Variants in ERBIN observed in about 807,000 individuals in gnomAD.
The protein encoded by ERBIN is erbb2 interacting protein, also known as densin-180-like protein.
Under a neutral mutation model 158.4 loss-of-function variants are expected in ERBIN, and 60 were observed. The ratio of observed to expected loss-of-function variants is 0.38; its 90% CI spans 0.31 to 0.47. ERBIN has a LOEUF of 0.47. ERBIN is among the 20% of genes least tolerant of loss of function. ERBIN has a pLI of 0.99. For synonymous variants in ERBIN, 594 were observed against 557.2 expected (o/e 1.07, Z -0.93); for missense variants, 1,610 against 1,648.0 (o/e 0.98, Z 0.40).
At chr5:65,997,186 A>T (rs1016206714) in intron 4 of ERBIN, among the ~76,000 whole-genome samples, 3 of 152,164 alleles carry the variant, frequency 2.0e-5, no homozygotes, top group Non-Finnish European at 4.4e-5. Flanking sequence ...CTTATCCCAG[A>T]TCTTAAAGGA....
chr5:65,932,882 G>A (rs560252247), intron 1 of ERBIN, among the ~76,000 whole-genome samples: 214 of 152,004 alleles, frequency 1.4e-3, no homozygotes, highest in Non-Finnish European at 2.7e-3. Flanking sequence ...CTGCAGCCTC[G>A]GACTCCTGGG....
chr5:65,948,674 C>G (rs1746108442), intron 1 of ERBIN, among the ~76,000 whole-genome samples: 1 of 150,242 alleles, frequency 6.7e-6, no homozygotes, highest in Non-Finnish European at 1.5e-5. Context: ...CATCATTATT[C>G]TAATTTTGAT....
At chr5:66,058,050 A>G (rs1219512729) in intron 21 of ERBIN, among the ~76,000 whole-genome samples, 20 of 152,146 alleles carry the variant, frequency 1.3e-4, no homozygotes, top group Admixed American at 1.3e-3. Context: ...GTATATACCC[A>G]GTAATGGGAT....
intron 1 of ERBIN, among the ~76,000 whole-genome samples, chr5:65,976,633 C>T (rs1426617731): frequency 6.7e-6 from 1 of 150,214 alleles, no homozygotes; most frequent in African/African-American, 2.5e-5. Context: ...GAACAAAGGT[C>T]TCTGGTTTTC....
chr5:66,075,053 G>A lies in ERBIN; in HGVS notation c.3786G>A (p.Gln1262=), dbSNP rs772727143. ...KMPLSNGQMG[Q]PLRPQANYSQ... ...CTTTGAGTAATGGACAGATGGGCCA[G>A]CCTCTCAGGCCTCAGGCAAATTATA... The change falls in exon 23 of 26, where the codon CAG becomes CAA. Residue 1262 remains glutamine, a synonymous_variant. Transcript: ENST00000284037. The A allele has an allele frequency of 6.2e-7, 1 of 1,614,152 alleles. No homozygotes were observed.
In ERBIN at chr5:66,081,972, A is replaced by C. The variant is rs1226005545; in HGVS notation, c.*3442A>C. The C allele has an allele frequency of 2.6e-5, 4 of 152,140 alleles. No individual in the cohort carries two copies. Among genetic ancestry groups the C allele is most frequent in the African/African-American group, 9.7e-5 (4 of 41,442 alleles). 9.4% of individuals were successfully genotyped at this position (152,140 alleles called of 1,614,324 possible). A position where few individuals can be genotyped will look rare whatever the true frequency, so the allele number is the denominator to read the frequency against. ...TTTGGGTATTCCTTTGTTTCTAAAT[A>C]AGGACCTTCAGAAAAAGTTGACCAT... On this transcript the variant is annotated 3_prime_UTR_variant, in exon 26 of 26. Coordinates refer to ENST00000284037, the MANE Select transcript of ERBIN (RefSeq NM_001253697.2).
chr5:66,000,876 A>G (rs1752952141), intron 4 of ERBIN, among the ~76,000 whole-genome samples: 1 of 152,158 alleles, frequency 6.6e-6, no homozygotes. Flanking sequence ...AATTCTAGTT[A>G]TTTTAATTCC....
chr5:65,980,796 A>G (rs1014893328), intron 1 of ERBIN, among the ~76,000 whole-genome samples: 1 of 152,232 alleles, frequency 6.6e-6, no homozygotes, highest in Non-Finnish European at 1.5e-5. Context: ...TATTCACTGT[A>G]TAATGAATCT....
intron 4 of ERBIN, among the ~76,000 whole-genome samples, chr5:66,011,650 G>A (rs912836070): frequency 1.3e-5 from 2 of 152,142 alleles, no homozygotes; most frequent in African/African-American, 4.8e-5. Context: ...TCGCCCCACT[G>A]TACTCCAGCG....
rs1282863829 is a variant in ERBIN at position 66,081,502 on chromosome 5, ATATATC to A, written c.*2975_*2980del. ...ACATTTATTCATTCCAAATTTTTGTATATATCTAGATGAAGTAACACATAGAGGATA... is the reference window on the plus strand; with the variant it reads ...ACATTTATTCATTCCAAATTTTTGTATAGATGAAGTAACACATAGAGGATA... On this transcript the variant is annotated 3_prime_UTR_variant, in exon 26 of 26. Coordinates refer to ENST00000284037, the MANE Select transcript of ERBIN (RefSeq NM_001253697.2). The A allele has an allele frequency of 6.6e-6, 1 of 152,122 alleles. No homozygotes were observed. The highest frequency in any genetic ancestry group is 2.4e-5 in the African/African-American group (1 of 41,448). The allele number at this position is 152,122 out of a possible 1,614,324, so 9.4% of individuals were successfully genotyped here. A position where few individuals can be genotyped will look rare whatever the true frequency, so the allele number is the denominator to read the frequency against.
At chr5:66,072,986 A>G (rs1761664594) in intron 22 of ERBIN, among the ~76,000 whole-genome samples, 1 of 152,200 alleles carries the variant, frequency 6.6e-6, no homozygotes, top group South Asian at 2.1e-4. Flanking sequence ...AAGTTCATCT[A>G]ATATATAAGT....
intron 2 of ERBIN, among the ~76,000 whole-genome samples, 188 bp downstream of exon 2, chr5:65,988,870 A>T (rs530208214): frequency 3.4e-4 from 51 of 148,406 alleles, no homozygotes; most frequent in Non-Finnish European, 6.5e-4. Context: ...GCATGGTAGT[A>T]CCCTTGGGAG....
At chr5:65,932,786 A>G (rs188263480) in intron 1 of ERBIN, among the ~76,000 whole-genome samples, 1 of 152,046 alleles carries the variant, frequency 6.6e-6, no homozygotes, top group East Asian at 1.9e-4. Flanking sequence ...CTAGTTTTTC[A>G]TAGGAGTTAT....
At chr5:66,072,863 A>G (rs188383555) in intron 22 of ERBIN, among the ~76,000 whole-genome samples, 2 of 152,306 alleles carry the variant, frequency 1.3e-5, no homozygotes, top group Non-Finnish European at 2.9e-5. Flanking sequence ...TGCCTCTAGT[A>G]TGACCAGATA....
At chr5:65,935,963 T>A (rs779688364) in intron 1 of ERBIN, among the ~76,000 whole-genome samples, 1 of 152,154 alleles carries the variant, frequency 6.6e-6, no homozygotes, top group Non-Finnish European at 1.5e-5. Flanking sequence ...TGGGCTTGAG[T>A]GATCCTTCCA....
intron 4 of ERBIN, among the ~76,000 whole-genome samples, chr5:66,006,090 T>G (rs1183345565): frequency 6.6e-6 from 1 of 151,994 alleles, no homozygotes; most frequent in Admixed American, 6.6e-5. Flanking sequence ...GCCAAGTCAA[T>G]CCTAAGAGAA....
Position 66,012,054 on chromosome 5 carries a change from C to T in ERBIN, c.313C>T (p.Gln105Ter). 6.3e-7 allele frequency: 1 copy of T among 1,595,426 alleles called. No individual in the cohort carries two copies. The highest frequency in any genetic ancestry group is 8.6e-7 in the Non-Finnish European group (1 of 1,166,764). Residue 105 changes from glutamine (Q) to a stop codon, truncating the protein, a stop_gained, in exon 5 of 26, where the codon CAG (glutamine) becomes TAG (stop). Coordinates refer to ENST00000284037, the MANE Select transcript of ERBIN (RefSeq NM_001253697.2). LOFTEE classifies it high-confidence loss of function. ...GATCGTTGTTTGTTTTCTAGGAATA[C>T]AGGAGTTTCCAGAAAATATAAAAAA... Reference protein sequence around the residue: ...RELDVSKNGIQEFPENIKNCK... With the variant: ...RELDVSKNGI
intron 3 of ERBIN, 79 bp downstream of exon 3, chr5:65,992,986 A>G (rs1261334793): frequency 8.8e-7 from 1 of 1,131,964 alleles, no homozygotes; most frequent in African/African-American, 1.6e-5. Flanking sequence ...TATTGCTATA[A>G]AGTTGCCAAT....
At chr5:65,936,507 C>T (rs1003880378) in intron 1 of ERBIN, among the ~76,000 whole-genome samples, 43 of 152,080 alleles carry the variant, frequency 2.8e-4, no homozygotes, top group Non-Finnish European at 2.5e-4. Flanking sequence ...GTCGTGGATA[C>T]CTGGTATCAA....
Sources: allele counts gnomAD v4.1 joint callset (sites outside exome capture counted in the v4.1 genomes callset), GRCh38; gene constraint gnomAD v4.1.1; transcripts MANE v1.5; gene names NCBI Gene and HGNC (gene_info 2026-07-23, HGNC 2026-07-21).